The following FKBP1A variants were observed in gnomAD, a reference collection of about 807,000 sequenced individuals.
The protein encoded by FKBP1A is peptidyl-prolyl cis-trans isomerase FKBP1A.
FKBP1A carries 5 observed loss-of-function variants against 14.2 expected under a neutral mutation model. The observed-to-expected ratio is 0.35, with a 90% confidence interval of 0.18 to 0.74. The LOEUF is 0.74. Ranked by LOEUF, FKBP1A falls within the 30% of genes least tolerant of loss-of-function variation. The pLI is 0.56. For missense variants in FKBP1A, 53 were observed against 138.8 expected, an observed-to-expected ratio of 0.38 and a Z score of 3.10; for synonymous variants, 42 against 49.1, an observed-to-expected ratio of 0.86 and a Z score of 0.60.
chr20:1,381,435 G>A (rs1169731487), intron 2 of FKBP1A, among the ~76,000 whole-genome samples: 5 of 152,172 alleles, frequency 3.3e-5, no homozygotes, highest in Non-Finnish European at 5.9e-5. Flanking sequence ...GACTGACCAC[G>A]TCAGGTGTTA....
intron 4 of FKBP1A, chr20:1,370,524 T>C (rs1439691118): frequency 2.9e-5 from 29 of 984,316 alleles, no homozygotes; most frequent in Non-Finnish European, 3.5e-5. Context: ...GTGACTCTCA[T>C]GTGCAGTCCA....
chr20:1,381,005 A>AATTTAT (rs528978241), intron 2 of FKBP1A, among the ~76,000 whole-genome samples: 110 of 152,354 alleles, frequency 7.2e-4, no homozygotes, highest in African/African-American at 2.5e-3. Context: ...AAACCTATCA[A>AATTTAT]ATTTATAGAA....
intron 2 of FKBP1A, 142 bp from the exon 3 acceptor site, chr20:1,375,745 C>T (rs1390605873): frequency 1.5e-6 from 1 of 673,326 alleles, no homozygotes; most frequent in South Asian, 1.7e-5. Flanking sequence ...TTCCTGTGAC[C>T]TCACTGGACA....
chr20:1,390,924 G>A (rs867895132), intron 2 of FKBP1A, among the ~76,000 whole-genome samples: 9 of 152,178 alleles, frequency 5.9e-5, no homozygotes, highest in Admixed American at 2.0e-4. Flanking sequence ...ATGTGGGTGC[G>A]TGCCACCCGC....
At chr20:1,371,209 T>G (rs2089459842) in intron 4 of FKBP1A, 1 of 985,114 alleles carries the variant, frequency 1.0e-6, no homozygotes, top group Admixed American at 6.2e-5. Flanking sequence ...CCAGTAGCAT[T>G]CATGTACTTA....
At chr20:1,382,482 A>G (rs1337315487) in intron 2 of FKBP1A, among the ~76,000 whole-genome samples, 1 of 152,214 alleles carries the variant, frequency 6.6e-6, no homozygotes, top group Admixed American at 6.5e-5. Flanking sequence ...TTAAGTATTT[A>G]GTCTTGGCTC....
chr20:1,375,228 C>CA (rs1172720583), intron 3 of FKBP1A: 2 of 571,234 alleles, frequency 3.5e-6, no homozygotes, highest in Non-Finnish European at 6.1e-6. Context: ...TTGCAAGTGT[C>CA]AAAAATGCAT....
intron 4 of FKBP1A, among the ~76,000 whole-genome samples, chr20:1,371,410 T>C (rs1289163038): frequency 6.6e-6 from 1 of 152,200 alleles, no homozygotes; most frequent in Non-Finnish European, 1.5e-5. Flanking sequence ...ATAAAGCTGA[T>C]GCAGAGGCCC....
At chr20:1,376,845 G>C (rs1333529535) in intron 2 of FKBP1A, 1 of 152,118 alleles carries the variant, frequency 6.6e-6, no homozygotes, top group African/African-American at 2.4e-5. Context: ...AATAAAAGGG[G>C]AACTCCAGAG....
intron 2 of FKBP1A, among the ~76,000 whole-genome samples, chr20:1,390,413 G>A (rs1568593729): frequency 6.6e-6 from 1 of 152,044 alleles, no homozygotes; most frequent in Non-Finnish European, 1.5e-5. Context: ...CACCAGTTGG[G>A]AGAAGCAGAC....
rs1318789820 is a variant in FKBP1A, at chr20:1,379,636, A to C, written c.86-4033T>G. On this transcript the variant is annotated intron_variant, in intron 2 of 4. Coordinates refer to ENST00000400137, the MANE Select transcript of FKBP1A (RefSeq NM_000801.5). The surrounding 1 kb of genome is among the most constrained non-coding windows in gnomAD (Gnocchi z 4.3). ...GACTTGCTCCAGAATTTCAGACCAC[A>C]GTCACCAACTGTCAATCTCATCTAC... Among the ~76,000 whole-genome samples, 8 of 152,210 alleles carry C rather than the reference A, an allele frequency of 5.3e-5. No homozygotes were observed. The highest frequency in any genetic ancestry group is 1.5e-5 in the Non-Finnish European group (1 of 68,044).
At chr20:1,377,571 G>A (rs1167746778) in intron 2 of FKBP1A, 1 of 152,162 alleles carries the variant, frequency 6.6e-6, no homozygotes, top group East Asian at 1.9e-4. Flanking sequence ...GAGTACCTGG[G>A]AGAAAAACAG....
At chr20:1,389,674 A>C (rs1388778627) in intron 2 of FKBP1A, among the ~76,000 whole-genome samples, 20 of 152,236 alleles carry the variant, frequency 1.3e-4, no homozygotes, top group Admixed American at 1.3e-3. Context: ...CTTTTTAAGA[A>C]GAAAAAAGAA....
At chr20:1,373,909 C>G (rs1471322471) in intron 3 of FKBP1A, among the ~76,000 whole-genome samples, 1 of 152,232 alleles carries the variant, frequency 6.6e-6, no homozygotes, top group Non-Finnish European at 1.5e-5. Context: ...TACAAAGCCT[C>G]TTCCTCACAC....
chr20:1,374,078 T>C (rs1159133720), intron 3 of FKBP1A, among the ~76,000 whole-genome samples: 1 of 152,244 alleles, frequency 6.6e-6, no homozygotes, highest in Non-Finnish European at 1.5e-5. Context: ...GACAGAAATC[T>C]GTCTTTTCAT....
At chr20:1,391,252 G>T (rs2089732640) in intron 2 of FKBP1A, among the ~76,000 whole-genome samples, 1 of 152,102 alleles carries the variant, frequency 6.6e-6, no homozygotes, top group Non-Finnish European at 1.5e-5. Flanking sequence ...CTTTGCCCCA[G>T]TTGGCTGCGG....
intron 2 of FKBP1A, chr20:1,378,726 C>G (rs1038032426): frequency 6.6e-6 from 1 of 152,202 alleles, no homozygotes; most frequent in African/African-American, 2.4e-5. Context: ...AAGAAGTCTG[C>G]TTTGCCTTAG....
chr20:1,369,816 A>G lies in FKBP1A; in HGVS notation c.*293T>C. 4.1e-6 allele frequency: 2 copies of G among 492,714 alleles called. No homozygotes were observed. The highest frequency in any genetic ancestry group is 7.3e-6 in the Non-Finnish European group (2 of 274,590). 30.5% of individuals were successfully genotyped at this position (492,714 alleles called of 1,614,324 possible). ...TACTTAATTGGAAACCTATATCCAA[A>G]AGACTGAAACTGAATCTTCACCCCA... On this transcript the variant is annotated 3_prime_UTR_variant, in exon 5 of 5. Transcript: ENST00000400137.
rs115800939 is a variant in FKBP1A, at chr20:1,379,933, G to A, written c.86-4330C>T. On this transcript the variant is annotated intron_variant, in intron 2 of 4. Transcript: ENST00000400137. The surrounding 1 kb of genome is among the most constrained non-coding windows in gnomAD (Gnocchi z 4.3). ...GGGGGAGAAGGTGGAAGCAGTGTTT[G>A]TTAAGCTGGAATGAGTGTGCATGTG... Among the ~76,000 whole-genome samples, 624 of 152,198 alleles carry A rather than the reference G, an allele frequency of 4.1e-3. 4 individuals carry two copies. The highest frequency in any genetic ancestry group is 0.014 in the African/African-American group (596 of 41,522).
Sources: gnomAD v4.1 joint callset for allele counts (sites outside exome capture counted in the v4.1 genomes callset) on GRCh38, gnomAD v4.1.1 for gene constraint, Gnocchi (gnomAD v3.1) non-coding constraint, MANE v1.5 for transcripts, NCBI Gene and HGNC (gene_info 2026-07-23, HGNC 2026-07-21) for gene names.